Variants in NSF observed in about 807,000 individuals in gnomAD.
NSF encodes N-ethylmaleimide sensitive factor, vesicle fusing ATPase.
NSF carries 14 observed loss-of-function variants against 50.3 expected under a neutral mutation model. That is an observed-to-expected ratio of 0.28 (90% confidence interval 0.18 to 0.44). The LOEUF (loss-of-function observed/expected upper bound fraction) is 0.44, where lower values mean the gene tolerates loss of function less well. Among genes scored for constraint, NSF ranks in the 20% least tolerant of loss-of-function variants. The probability of loss-of-function intolerance (pLI) is 1.00; values close to 1 mark genes in which losing one functional copy is unlikely to be tolerated. For missense variants in NSF, 218 were observed against 504.3 expected, an observed-to-expected ratio of 0.43 and a Z score of 5.44; for synonymous variants, 109 against 175.7, an observed-to-expected ratio of 0.62 and a Z score of 3.00.
At chr17:46,721,295 T>C (rs980458620) in intron 15 of NSF, among the ~76,000 whole-genome samples, 3 of 152,160 alleles carry the variant, frequency 2.0e-5, no homozygotes, top group African/African-American at 7.2e-5. Flanking sequence ...CATAACGGGC[T>C]TCTGTGTTTT....
In NSF at chr17:46,687,111, C is replaced by G. The variant is rs373125900; in HGVS notation, c.946-5792C>G. ...TCTGATGTAACATTTCATCTTTCATCTTTGTCATTTTTTTATTCCCCCTTT... is the reference window on the plus strand; with the variant it reads ...TCTGATGTAACATTTCATCTTTCATGTTTGTCATTTTTTTATTCCCCCTTT... On this transcript the variant is annotated intron_variant, in intron 9 of 20. Coordinates refer to ENST00000398238, the MANE Select transcript of NSF (RefSeq NM_006178.4). Among the ~76,000 whole-genome samples the G allele has an allele frequency of 4.0e-3, 160 of 39,970 alleles. No homozygotes were observed. The East Asian group carries it at 0.1, about 25-fold the overall frequency. 26.2% of individuals were successfully genotyped at this position (39,970 alleles called of 152,430 possible).
chr17:46,744,513 G>C (rs2059108529), intron 17 of NSF, among the ~76,000 whole-genome samples: 1 of 152,136 alleles, frequency 6.6e-6, no homozygotes, highest in South Asian at 2.1e-4. Context: ...GAATGATATG[G>C]AAAGAATGGC....
intron 17 of NSF, among the ~76,000 whole-genome samples, chr17:46,746,253 T>C (rs770709208): frequency 6.6e-6 from 1 of 152,248 alleles, no homozygotes; most frequent in Non-Finnish European, 1.5e-5. Flanking sequence ...CTCACAGGTG[T>C]ACTTCTATCT....
At chr17:46,743,868 G>A (rs140176621) in intron 17 of NSF, among the ~76,000 whole-genome samples, 399 of 152,210 alleles carry the variant, frequency 2.6e-3, no homozygotes, top group Non-Finnish European at 3.9e-3. Context: ...AGCATCCCGA[G>A]TCTGCCTTTT....
At chr17:46,739,729 CT>C (rs537743703) in intron 17 of NSF, among the ~76,000 whole-genome samples, 151 of 144,200 alleles carry the variant, frequency 1.0e-3, no homozygotes, top group African/African-American at 3.9e-3. Flanking sequence ...TTCTTTTTTT[CT>C]GATTTTTTTT....
At position 46,740,894 on chromosome 17, in the gene NSF, G is replaced by A. The variant is rs548401968; in HGVS notation, c.1909-8879G>A. Among the ~76,000 whole-genome samples the A allele has an allele frequency of 5.9e-5, 9 of 151,954 alleles. No individual in the cohort carries two copies. In the East Asian group the frequency reaches 1.2e-3, roughly 20 times the overall value. ...CCAGGCTGGTCTTGAAATCCTGACC[G>A]TTGGTGATCTGCCCGTCTCAATATC... On this transcript the variant is annotated intron_variant, in intron 17 of 20. Transcript: ENST00000398238.
chr17:46,621,448 G>C (rs2146132691), intron 1 of NSF, among the ~76,000 whole-genome samples: 1 of 110,522 alleles, frequency 9.0e-6, no homozygotes, highest in East Asian at 2.7e-4. Context: ...CACAACGCCT[G>C]GCTAATTTTT....
At chr17:46,695,329 A>G (rs2058586198) in intron 12 of NSF, among the ~76,000 whole-genome samples, 1 of 122,984 alleles carries the variant, frequency 8.1e-6, no homozygotes, top group African/African-American at 3.3e-5. Flanking sequence ...TTATTCAGCA[A>G]ATATATTGAA....
chr17:46,732,070 A>G (rs2058954391), intron 17 of NSF, among the ~76,000 whole-genome samples: 1 of 152,234 alleles, frequency 6.6e-6, no homozygotes, highest in Non-Finnish European at 1.5e-5. Flanking sequence ...TTAAAGGTAT[A>G]TTCAGCTAAA....
chr17:46,601,725 G>T (rs1353657272), intron 1 of NSF, among the ~76,000 whole-genome samples: 1 of 149,150 alleles, frequency 6.7e-6, no homozygotes, highest in Non-Finnish European at 1.5e-5. Flanking sequence ...AATTCTTTTT[G>T]TCCATATTTG....
intron 8 of NSF, among the ~76,000 whole-genome samples, chr17:46,657,448 T>C (rs1402811286): frequency 6.6e-6 from 1 of 151,936 alleles, no homozygotes; most frequent in African/African-American, 2.4e-5. Flanking sequence ...CTGTGACTTT[T>C]GGGTCTTAGT....
chr17:46,745,305 C>T (rs2059117083), intron 17 of NSF, among the ~76,000 whole-genome samples: 1 of 152,200 alleles, frequency 6.6e-6, no homozygotes, highest in Admixed American at 6.5e-5. Context: ...AATGGCCCAG[C>T]ACAATTTAAT....
chr17:46,754,718 A>C (rs2059216774), intron 19 of NSF, among the ~76,000 whole-genome samples: 1 of 152,228 alleles, frequency 6.6e-6, no homozygotes, highest in African/African-American at 2.4e-5. Context: ...CTCATGACAC[A>C]TTCGCAGTCA....
In NSF at chr17:46,726,677, T is replaced by TA. The variant is rs1375290292; in HGVS notation, c.1828+63dup. Reference sequence around the variant, plus strand: ...ACATTACAGCTAATATCTCAAAAGTTACAAGAGAAAATTAACAAGTATTTA... The same window carrying TA: ...ACATTACAGCTAATATCTCAAAAGTTAACAAGAGAAAATTAACAAGTATTTA... On this transcript the variant is annotated intron_variant, in intron 16 of 20. Coordinates refer to ENST00000398238, the MANE Select transcript of NSF (RefSeq NM_006178.4). The TA allele has an allele frequency of 3.6e-6, 5 of 1,405,500 alleles. No individual in the cohort carries two copies. The Admixed American group carries it at 8.4e-5, about 24-fold the overall frequency. The allele number at this position is 1,405,500 out of a possible 1,614,324, so 87.1% of individuals were successfully genotyped here.
At chr17:46,626,061 A>T (rs1317895128) in intron 2 of NSF, among the ~76,000 whole-genome samples, 53 of 146,526 alleles carry the variant, frequency 3.6e-4, no homozygotes, top group African/African-American at 1.4e-3. Flanking sequence ...TAAAACAGTA[A>T]ATATTGATAT....
At chr17:46,678,171 T>TA (rs747238059) in intron 9 of NSF, among the ~76,000 whole-genome samples, 8 of 104,498 alleles carry the variant, frequency 7.7e-5, no homozygotes, top group Non-Finnish European at 1.3e-4. Context: ...TGGAAACAGA[T>TA]ACACAAACAA....
intron 1 of NSF, among the ~76,000 whole-genome samples, chr17:46,610,041 C>CTCTCTCTCTCTCTT: frequency 1.7e-5 from 2 of 118,738 alleles, no homozygotes; most frequent in South Asian, 2.6e-4. Flanking sequence ...CTCTCTCTCT[C>CTCTCTCTCTCTCTT]TCTTTCTTTC....
At chr17:46,603,202 CT>C (rs1185244236) in intron 1 of NSF, among the ~76,000 whole-genome samples, 2 of 123,960 alleles carry the variant, frequency 1.6e-5, no homozygotes, top group Non-Finnish European at 3.4e-5. Context: ...TTCTTCTCTT[CT>C]TTTGTAGAAG....
chr17:46,625,879 TAAAAAA>T (rs147622864), intron 2 of NSF, among the ~76,000 whole-genome samples: 8 of 59,034 alleles, frequency 1.4e-4, no homozygotes, highest in African/African-American at 4.5e-4. Context: ...CCACATGTAT[TAAAAAA>T]AAAAAAAAAA....
Sources: allele counts gnomAD v4.1 joint callset (sites outside exome capture counted in the v4.1 genomes callset), GRCh38; gene constraint gnomAD v4.1.1; transcripts MANE v1.5; gene names NCBI Gene and HGNC (gene_info 2026-07-23, HGNC 2026-07-21).